Variants in GLTP observed in about 807,000 individuals in gnomAD.
GLTP encodes the protein glycolipid transfer protein.
A neutral mutation model predicts 24.0 loss-of-function variants in GLTP; 22 were observed. The observed-to-expected ratio is 0.92, with a 90% CI of 0.65 to 1.31. GLTP has a LOEUF of 1.31. GLTP is among the 50% of genes most tolerant of loss of function. GLTP has a pLI of 0.00. For synonymous variants in GLTP, 92 were observed against 115.9 expected (o/e 0.79, Z 1.33); for missense variants, 224 against 276.6 (o/e 0.81, Z 1.35).
Position 109,857,275 on chromosome 12 carries a change from A to G in GLTP, c.296+251T>C, listed in dbSNP as rs2076699962. ...AACTCACAGAATATGAAACCCAATC[A>G]GGTGTATAAAGAGCTTAGCACAACT... On this transcript the variant is annotated intron_variant, in intron 3 of 4. Coordinates refer to ENST00000318348, the MANE Select transcript of GLTP (RefSeq NM_016433.4). The surrounding 1 kb of genome is among the most constrained non-coding windows in gnomAD (Gnocchi z 4.3). 6.6e-6 allele frequency among the ~76,000 whole-genome samples: 1 copy of G among 152,180 alleles called. No individual in the cohort carries two copies. The highest frequency in any genetic ancestry group is 2.1e-4 in the South Asian group (1 of 4,834).
At chr12:109,859,704 T>A (rs1219809585) in intron 1 of GLTP, 1 of 153,086 alleles carries the variant, frequency 6.5e-6, no homozygotes, top group Admixed American at 6.6e-5. Context: ...GTGTTTTTTT[T>A]TAATTGTATA....
At chr12:109,856,969 G>A (rs1166292378) in intron 3 of GLTP, among the ~76,000 whole-genome samples, 1 of 152,156 alleles carries the variant, frequency 6.6e-6, no homozygotes, top group Non-Finnish European at 1.5e-5. Context: ...AGGAGGGGGA[G>A]GCTGCAGTGA....
chr12:109,862,706 T>C (rs1868404332), intron 1 of GLTP, among the ~76,000 whole-genome samples: 1 of 152,056 alleles, frequency 6.6e-6, no homozygotes, highest in Admixed American at 6.6e-5. Flanking sequence ...GCTATGATTG[T>C]GTCACTGCAC....
chr12:109,876,023 T>G (rs905920019), intron 1 of GLTP, among the ~76,000 whole-genome samples: 6 of 152,208 alleles, frequency 3.9e-5, no homozygotes, highest in African/African-American at 1.4e-4. Context: ...AGTAGGGGCT[T>G]GGTTTAATAA....
chr12:109,866,391 T>C (rs1399753788), intron 1 of GLTP: 1 of 152,220 alleles, frequency 6.6e-6, no homozygotes, highest in East Asian at 1.9e-4. Flanking sequence ...GATGCCAAAC[T>C]TAGTGCAGAC....
At chr12:109,859,177 C>T (rs940816418) in intron 1 of GLTP, among the ~76,000 whole-genome samples, 1 of 152,154 alleles carries the variant, frequency 6.6e-6, no homozygotes, top group Non-Finnish European at 1.5e-5. Flanking sequence ...ACCTCAGCCT[C>T]TGGAGTAGCT....
At chr12:109,862,167 C>T (rs112071375) in intron 1 of GLTP, among the ~76,000 whole-genome samples, 8 of 152,288 alleles carry the variant, frequency 5.3e-5, no homozygotes, top group African/African-American at 9.6e-5. Context: ...AGAGGTGCTG[C>T]GCCAGGGGTG....
chr12:109,858,084 G>T (rs1892822751), intron 2 of GLTP: 1 of 457,182 alleles, frequency 2.2e-6, no homozygotes, highest in East Asian at 6.9e-5. Context: ...CAGGAACGAA[G>T]GCCTCTGAGA....
intron 4 of GLTP, 43 bp from the exon 5 acceptor site, chr12:109,852,780 G>A (rs1769026233): frequency 2.2e-6 from 3 of 1,376,094 alleles, no homozygotes; most frequent in Non-Finnish European, 3.1e-6. Context: ...CGTTAGCGGG[G>A]GCTGAGGAGC....
chr12:109,865,562 A>G (rs1365652256), intron 1 of GLTP, among the ~76,000 whole-genome samples: 4 of 151,402 alleles, frequency 2.6e-5, no homozygotes, highest in Non-Finnish European at 5.9e-5. Context: ...TGGGAGGCGG[A>G]GGTTACAGTG....
At position 109,857,758 on chromosome 12, in the gene GLTP, C is replaced by T. The variant is rs1263760887; in HGVS notation, c.163-99G>A. 1 of 1,161,916 alleles carries T rather than the reference C, an allele frequency of 8.6e-7. No homozygotes were observed. Among genetic ancestry groups the T allele is most frequent in the East Asian group, 2.3e-5 (1 of 42,810 alleles). 72.0% of individuals were successfully genotyped at this position (1,161,916 alleles called of 1,614,324 possible). A position where few individuals can be genotyped will look rare whatever the true frequency, so the allele number is the denominator to read the frequency against. ...AAGCACCCTACCGGCATCTCCTGCT[C>T]CTTCCTGCCCTCCAGGAACAGCAGG... On this transcript the variant is annotated intron_variant, in intron 2 of 4. Coordinates refer to ENST00000318348, the MANE Select transcript of GLTP (RefSeq NM_016433.4). The surrounding 1 kb of genome is among the most constrained non-coding windows in gnomAD (Gnocchi z 4.3).
chr12:109,878,329 A>G (rs1438622888), intron 1 of GLTP, among the ~76,000 whole-genome samples: 1 of 152,220 alleles, frequency 6.6e-6, no homozygotes, highest in Admixed American at 6.5e-5. Flanking sequence ...GACACTGCTC[A>G]TGTTTGGGGC....
intron 1 of GLTP, among the ~76,000 whole-genome samples, chr12:109,876,618 GA>G (rs1320199094): frequency 6.9e-6 from 1 of 144,648 alleles, no homozygotes; most frequent in Non-Finnish European, 1.5e-5. Context: ...GGGAGGAAGG[GA>G]GGGGGAGGGA....
At chr12:109,873,177 A>G (rs1868779287) in intron 1 of GLTP, among the ~76,000 whole-genome samples, 1 of 151,406 alleles carries the variant, frequency 6.6e-6, no homozygotes, top group South Asian at 2.1e-4. Flanking sequence ...TATTAGCATT[A>G]ACTTTAAATT....
Position 109,855,360 on chromosome 12 carries a change from T to G in GLTP, c.447+259A>C, listed in dbSNP as rs998220717. ...TTCTCGTCGCCCCACCATCAGGCCT[T>G]GCAGGCCAAGGCCCCTAAAGAGAAA... On this transcript the variant is annotated intron_variant, in intron 4 of 4. Transcript: ENST00000318348. The surrounding 1 kb of genome is among the most constrained non-coding windows in gnomAD (Gnocchi z 4.1). Among the ~76,000 whole-genome samples the G allele has an allele frequency of 2.0e-5, 3 of 152,128 alleles. No homozygotes were observed. The highest frequency in any genetic ancestry group is 4.4e-5 in the Non-Finnish European group (3 of 68,014).
At chr12:109,873,792 A>G (rs564958567) in intron 1 of GLTP, among the ~76,000 whole-genome samples, 3 of 152,172 alleles carry the variant, frequency 2.0e-5, no homozygotes, top group African/African-American at 7.2e-5. Context: ...CTGGGCGATG[A>G]AGCAAGACCT....
At chr12:109,871,496 G>T (rs979298730) in intron 1 of GLTP, among the ~76,000 whole-genome samples, 6 of 152,188 alleles carry the variant, frequency 3.9e-5, no homozygotes, top group African/African-American at 1.4e-4. Context: ...CCCTAGAGAC[G>T]ACTTCCAACG....
chr12:109,855,438 A>C lies in GLTP; in HGVS notation c.447+181T>G, dbSNP rs1209884447. ...GCTGCAGCTGTGAATGGGGCTGGCC[A>C]AGGGCACGGGAGGGGGACCTCTCAG... On this transcript the variant is annotated intron_variant, in intron 4 of 4. Coordinates refer to ENST00000318348, the MANE Select transcript of GLTP (RefSeq NM_016433.4). This position sits in a 1 kb window ranked among gnomAD's most constrained non-coding sequence, Gnocchi z 4.1. Among the ~76,000 whole-genome samples the C allele has an allele frequency of 1.3e-5, 2 of 152,146 alleles. No individual in the cohort carries two copies. The highest frequency in any genetic ancestry group is 2.9e-5 in the Non-Finnish European group (2 of 68,012).
At chr12:109,873,005 A>G (rs1436493087) in intron 1 of GLTP, among the ~76,000 whole-genome samples, 1 of 152,152 alleles carries the variant, frequency 6.6e-6, no homozygotes, top group Non-Finnish European at 1.5e-5. Context: ...TTAAAACATT[A>G]TGAGATTTGA....
Sources: allele counts gnomAD v4.1 joint callset (sites outside exome capture counted in the v4.1 genomes callset), GRCh38; gene constraint gnomAD v4.1.1; non-coding constraint Gnocchi (gnomAD v3.1); transcripts MANE v1.5; gene names NCBI Gene and HGNC (gene_info 2026-07-23, HGNC 2026-07-21).